The following ANKRD35 variants were observed in gnomAD, a reference collection of about 807,000 sequenced individuals.
ANKRD35 encodes ankyrin repeat domain 35, also known as ankyrin repeat domain-containing protein 35.
In ANKRD35, 102 loss-of-function variants were observed where a neutral mutation model predicts 109.9. The observed-to-expected ratio is 0.93, with a 90% CI of 0.79 to 1.09. The LOEUF (loss-of-function observed/expected upper bound fraction) is 1.09, where lower values mean the gene tolerates loss of function less well. Among genes scored for constraint, ANKRD35 ranks in the 50% least tolerant of loss-of-function variants. The pLI, the probability that ANKRD35 is intolerant of heterozygous loss-of-function variation, is 0.00. For synonymous variants in ANKRD35, 515 were observed against 512.4 expected, an observed-to-expected ratio of 1.01 and a Z score of -0.07; for missense variants, 1,240 against 1,230.1, an observed-to-expected ratio of 1.01 and a Z score of -0.12.
chr1:145,869,162 A>C (rs1553738215), intron 10 of ANKRD35, among the ~76,000 whole-genome samples: 1 of 142,626 alleles, frequency 7.0e-6, no homozygotes, highest in East Asian at 2.2e-4. Flanking sequence ...ACTTCTCTGA[A>C]GGAAGTTTGT....
chr1:145,879,951 C>T (rs1654227493), intron 1 of ANKRD35, among the ~76,000 whole-genome samples: 1 of 152,196 alleles, frequency 6.6e-6, no homozygotes, highest in African/African-American at 2.4e-5. Context: ...GCTTTGGGCC[C>T]CACAGTTAAA....
intron 7 of ANKRD35, among the ~76,000 whole-genome samples, chr1:145,875,329 G>A (rs1169973962): frequency 3.3e-5 from 5 of 151,214 alleles, no homozygotes; most frequent in Admixed American, 3.3e-4. Context: ...ATTTTTAGTA[G>A]AGACAGGGTT....
intron 8 of ANKRD35, 30 bp downstream of exon 8, chr1:145,874,782 TGATTCTTAGA>T (rs764631172): frequency 2.2e-4 from 336 of 1,513,808 alleles, no homozygotes; most frequent in Non-Finnish European, 2.8e-4. Context: ...GAAACTTCTC[TGATTCTTAGA>T]GAACGTGGAA....
intron 10 of ANKRD35, 47 bp from the exon 11 acceptor site, chr1:145,868,447 C>A: frequency 1.9e-6 from 3 of 1,554,472 alleles, no homozygotes; most frequent in Middle Eastern, 1.7e-4. Context: ...CAAGTCATTT[C>A]TCCCACAAGG....
chr1:145,873,013 T>C lies in ANKRD35; in HGVS notation c.1756A>G (p.Lys586Glu), dbSNP rs1653904269. Residue 586 changes from lysine (K) to glutamate (E), a missense_variant, in exon 10 of 14, where the codon AAA (lysine) becomes GAA (glutamate). Transcript: ENST00000355594. The stretch of plus-strand genomic sequence containing the variant: ...TCTCCTTGAGCCCCAGGAACCCTTT[T>C]CTCCTTCTCTTCATCCTGTTTGATG... ...GSIKQDEEKE[K>E]RVPGAQGEPL... 3 of 1,610,782 alleles carry C rather than the reference T, an allele frequency of 1.9e-6. No individual in the cohort carries two copies. Among genetic ancestry groups the C allele is most frequent in the Non-Finnish European group, 2.5e-6 (3 of 1,178,640 alleles).
chr1:145,868,658 T>C (rs1184152123), intron 10 of ANKRD35, among the ~76,000 whole-genome samples: 2 of 152,242 alleles, frequency 1.3e-5, no homozygotes, highest in Non-Finnish European at 2.9e-5. Flanking sequence ...CTATACCCCT[T>C]CCAGTTTAGT....
At chr1:145,881,037 G>A (rs1654267240) in intron 1 of ANKRD35, among the ~76,000 whole-genome samples, 1 of 152,226 alleles carries the variant, frequency 6.6e-6, no homozygotes, top group Non-Finnish European at 1.5e-5. Flanking sequence ...TGCAATCCCA[G>A]CACTTTGGGA....
chr1:145,870,750 C>T lies in ANKRD35; in HGVS notation c.2787+1232G>A, dbSNP rs148562179. Among the ~76,000 whole-genome samples the T allele has an allele frequency of 1.2e-3, 180 of 152,014 alleles. 1 individual carries two copies. Among genetic ancestry groups the T allele is most frequent in the African/African-American group, 4.1e-3 (170 of 41,436 alleles). Reference sequence around the variant, plus strand: ...GTTTTTTGAGGAGAAGGAGGAGTCTCGCTCTGTTGCCCAGACTGGAGTGCA... The same window carrying T: ...GTTTTTTGAGGAGAAGGAGGAGTCTTGCTCTGTTGCCCAGACTGGAGTGCA... On this transcript the variant is annotated intron_variant, in intron 10 of 13. Transcript: ENST00000355594.
rs782381788 is a variant in ANKRD35 at position 145,879,348 on chromosome 1, G to T, written c.80C>A (p.Ala27Glu). 3.1e-6 allele frequency: 5 copies of T among 1,601,680 alleles called. No individual in the cohort carries two copies. Among genetic ancestry groups the T allele is most frequent in the Non-Finnish European group, 4.3e-6 (5 of 1,174,516 alleles). The change falls in exon 2 of 14, where the codon GCA becomes GAA. Residue 27 changes from alanine to glutamate, a missense_variant. Transcript: ENST00000355594. ...WNRHDQKLLE[A>E]VHRGDVGRVA... ...GCGTCCCACATCCCCCCTGTGCACT[G>T]CCTCCAGCAGCTTCTGATCATGGCG...
chr1:145,870,151 C>T (rs909070695), intron 10 of ANKRD35, among the ~76,000 whole-genome samples: 1 of 145,040 alleles, frequency 6.9e-6, no homozygotes, highest in Non-Finnish European at 1.5e-5. Flanking sequence ...AGTGCAGTGG[C>T]GCGATCTCAG....
At chr1:145,870,390 C>A (rs1553738404) in intron 10 of ANKRD35, among the ~76,000 whole-genome samples, 1 of 152,084 alleles carries the variant, frequency 6.6e-6, no homozygotes, top group Non-Finnish European at 1.5e-5. Flanking sequence ...CCGCACCCAG[C>A]CCCAAATCTT....
Position 145,879,361 on chromosome 1 carries a change from T to C in ANKRD35, c.67A>G (p.Lys23Glu). Residue 23 changes from lysine to glutamate, a missense_variant, in exon 2 of 14, where the codon AAG (lysine) becomes GAG (glutamate). By Grantham distance (56) the Lys-to-Glu change is moderately conservative. Transcript: ENST00000355594. The stretch of plus-strand genomic sequence containing the variant: ...CCCCTGTGCACTGCCTCCAGCAGCT[T>C]CTGATCATGGCGGTTCCATCTCTCC... ...AVERWNRHDQ[K>E]LLEAVHRGDV... is the part of the protein sequence containing the mutation. 6.3e-7 allele frequency: 1 copy of C among 1,598,094 alleles called. No homozygotes were observed. Among genetic ancestry groups the C allele is most frequent in the Non-Finnish European group, 8.5e-7 (1 of 1,172,506 alleles).
chr1:145,867,639 C>T (rs1223520069), intron 12 of ANKRD35, among the ~76,000 whole-genome samples: 1 of 152,104 alleles, frequency 6.6e-6, no homozygotes, highest in African/African-American at 2.4e-5. Context: ...AATAGGTGTT[C>T]ATTCCATTCT....
chr1:145,883,076 A>ATTTTTTT (rs34686883), intron 1 of ANKRD35, among the ~76,000 whole-genome samples: 1 of 83,428 alleles, frequency 1.2e-5, no homozygotes, highest in African/African-American at 4.2e-5. Flanking sequence ...GACAGTACCA[A>ATTTTTTT]TTTTTTTTTT....
Position 145,878,380 on chromosome 1 carries a change from G to T in ANKRD35, c.259+11C>A, listed in dbSNP as rs1357195623. 2 of 1,560,118 alleles carry T rather than the reference G, an allele frequency of 1.3e-6. No homozygotes were observed. The highest frequency in any genetic ancestry group is 1.7e-6 in the Non-Finnish European group (2 of 1,151,402). ...AGCAAGCAGCGTGGCCCAGTGCTCC[G>T]GCTCACTCACCATCCTCATTCTTGC... On this transcript the variant is annotated intron_variant, in intron 3 of 13. Transcript: ENST00000355594.
chr1:145,873,587 T>G lies in ANKRD35; in HGVS notation c.1182A>C (p.Thr394=), dbSNP rs949096163. The G allele has an allele frequency of 6.2e-7, 1 of 1,614,128 alleles. No homozygotes were observed. The highest frequency in any genetic ancestry group is 8.5e-7 in the Non-Finnish European group (1 of 1,180,010). ...ELKKQQQAAA[T]VNPVLAPKKA... ...TCTTTGGAGCTAATACTGGATTTAC[T>G]GTGGCTGCTGCCTGCTGCTGCTTCT... The change falls in exon 10 of 14, where the codon ACA becomes ACC. Residue 394 remains threonine (T), a synonymous_variant. Coordinates refer to ENST00000355594, the MANE Select transcript of ANKRD35 (RefSeq NM_144698.5).
chr1:145,882,462 A>ATTTTTTTTTTTT (rs781961496), intron 1 of ANKRD35, among the ~76,000 whole-genome samples: 1 of 140,226 alleles, frequency 7.1e-6, no homozygotes, highest in South Asian at 2.2e-4. Context: ...CACCCAGGTA[A>ATTTTTTTTTTTT]TTTTTTTTTT....
At position 145,873,780 on chromosome 1, in the gene ANKRD35, T is replaced by C; in HGVS notation, c.989A>G (p.Tyr330Cys). The change falls in exon 10 of 14, where the codon TAT (tyrosine) becomes TGT (cysteine). Residue 330 changes from tyrosine to cysteine, a missense_variant. Tyr to Cys is a radical substitution (Grantham distance 194). Coordinates refer to ENST00000355594, the MANE Select transcript of ANKRD35 (RefSeq NM_144698.5). ...TCGAATCTGGTTCTCAAGGTCCAGA[T>C]AGGCTGCAGCTTGAGTCTTACACTC... ...TEECKTQAAA[Y>C]LDLENQIREQ... 6.2e-7 allele frequency: 1 copy of C among 1,610,776 alleles called. No homozygotes were observed. The highest frequency in any genetic ancestry group is 2.2e-5 in the East Asian group (1 of 44,808).
chr1:145,874,047 C>G, intron 9 of ANKRD35, 62 bp from the exon 10 acceptor site: 1 of 1,611,316 alleles, frequency 6.2e-7, no homozygotes. Flanking sequence ...CCTAGGAGTG[C>G]CTTTCTTCTC....
Sources: gnomAD v4.1 joint callset for allele counts (sites outside exome capture counted in the v4.1 genomes callset) on GRCh38, gnomAD v4.1.1 for gene constraint, MANE v1.5 for transcripts, NCBI Gene and HGNC (gene_info 2026-07-23, HGNC 2026-07-21) for gene names.